The following ZMYM2 variants were observed in gnomAD, a reference collection of about 807,000 sequenced individuals.
The protein encoded by ZMYM2 is zinc finger MYM-type containing 2, also known as zinc finger MYM-type protein 2.
Under a neutral mutation model 162.8 loss-of-function variants are expected in ZMYM2, and 56 were observed. The observed-to-expected ratio is 0.34, with a 90% confidence interval of 0.28 to 0.43. The LOEUF is 0.43. Ranked by LOEUF, ZMYM2 falls within the 20% of genes least tolerant of loss-of-function variation. The pLI is 1.00. For missense variants in ZMYM2, 1,275 were observed against 1,621.8 expected, an observed-to-expected ratio of 0.79 and a Z score of 3.67; for synonymous variants, 510 against 541.6, an observed-to-expected ratio of 0.94 and a Z score of 0.81.
chr13:20,022,574 A>G (rs997778520), intron 7 of ZMYM2, among the ~76,000 whole-genome samples: 2 of 152,342 alleles, frequency 1.3e-5, no homozygotes, highest in East Asian at 3.9e-4. Context: ...CTTAAATTAC[A>G]AAGTTAGAAT....
At position 20,060,967 on chromosome 13, in the gene ZMYM2, T is replaced by A. The variant is rs553401547; in HGVS notation, c.2740-86T>A. 2.0e-5 allele frequency: 26 copies of A among 1,289,048 alleles called. 1 individual carries two copies. The South Asian group carries it at 3.7e-4, about 18-fold the overall frequency. 79.9% of individuals were successfully genotyped at this position (1,289,048 alleles called of 1,614,324 possible). On this transcript the variant is annotated intron_variant, in intron 16 of 24. Coordinates refer to ENST00000610343, the MANE Select transcript of ZMYM2 (RefSeq NM_197968.4). The stretch of plus-strand genomic sequence containing the variant: ...TTTTATCCAGTGTGATATTACAAAG[T>A]AGATCATGTGTCAGAGTAATTTTTA...
At chr13:19,953,319 A>G in the ZMYM2 span, among the ~76,000 whole-genome samples, 1 of 152,224 alleles carries the variant, frequency 6.6e-6, no homozygotes, top group Admixed American at 6.5e-5. Flanking sequence ...AAAGTGTAAA[A>G]CATGTTGATA....
intron 2 of ZMYM2, among the ~76,000 whole-genome samples, chr13:19,984,023 T>TA (rs1398005543): frequency 2.6e-5 from 4 of 152,296 alleles, no homozygotes; most frequent in Non-Finnish European, 1.5e-5. Context: ...CTCTTTGCTG[T>TA]AAAAAAGAGT....
the ZMYM2 span, among the ~76,000 whole-genome samples, chr13:19,946,869 T>C: frequency 2.6e-5 from 4 of 152,234 alleles, no homozygotes; most frequent in South Asian, 2.1e-4. Flanking sequence ...CAATTATAGA[T>C]GTGGTGTCTT....
intron 2 of ZMYM2, among the ~76,000 whole-genome samples, chr13:19,968,034 T>C (rs1955963557): frequency 6.6e-6 from 1 of 152,190 alleles, no homozygotes; most frequent in Non-Finnish European, 1.5e-5. Flanking sequence ...TTCTAACGAT[T>C]TCTTCTTTTC....
intron 23 of ZMYM2, 107 bp from the exon 24 acceptor site, chr13:20,083,549 C>T (rs540642281): frequency 1.7e-5 from 15 of 868,762 alleles, no homozygotes; most frequent in Non-Finnish European, 2.6e-5. Context: ...ACTTAAAACT[C>T]CAAGGGGCAC....
intron 2 of ZMYM2, among the ~76,000 whole-genome samples, chr13:19,968,835 A>C (rs1956040869): frequency 6.6e-6 from 1 of 152,244 alleles, no homozygotes; most frequent in Non-Finnish European, 1.5e-5. Flanking sequence ...TAAAAAGAAA[A>C]AATCAAGTAG....
the ZMYM2 span, among the ~76,000 whole-genome samples, chr13:19,892,115 A>T: frequency 1.1e-4 from 16 of 151,016 alleles, no homozygotes; most frequent in African/African-American, 2.9e-4. Flanking sequence ...TAATTTTTAA[A>T]TTTTTTTTGT....
intron 15 of ZMYM2, 93 bp from the exon 16 acceptor site, chr13:20,059,354 G>T: frequency 1.4e-6 from 2 of 1,389,960 alleles, no homozygotes; most frequent in Non-Finnish European, 9.6e-7. Context: ...TACTGAGGTA[G>T]TTAAATTTTT....
the ZMYM2 span, among the ~76,000 whole-genome samples, chr13:19,880,246 A>G: frequency 6.6e-6 from 1 of 152,108 alleles, no homozygotes; most frequent in African/African-American, 2.4e-5. Context: ...TATTGGCTCT[A>G]TTTCTCTGGC....
chr13:19,941,378 A>G, the ZMYM2 span, among the ~76,000 whole-genome samples: 1 of 152,148 alleles, frequency 6.6e-6, no homozygotes, highest in Admixed American at 6.6e-5. Context: ...AATAAAGTTA[A>G]CAGAGTTTAT....
At chr13:20,080,389 T>C (rs1957829105) in intron 21 of ZMYM2, among the ~76,000 whole-genome samples, 1 of 152,240 alleles carries the variant, frequency 6.6e-6, no homozygotes, top group South Asian at 2.1e-4. Context: ...ATTTTTTCTT[T>C]TACTTTTCAC....
intron 10 of ZMYM2, among the ~76,000 whole-genome samples, chr13:20,032,577 G>T (rs1953267215): frequency 6.8e-6 from 1 of 147,700 alleles, no homozygotes; most frequent in Non-Finnish European, 1.5e-5. Context: ...CCCAGAACTG[G>T]ATTACATGAT....
At chr13:19,876,309 T>A in the ZMYM2 span, among the ~76,000 whole-genome samples, 3 of 152,118 alleles carry the variant, frequency 2.0e-5, no homozygotes, top group Non-Finnish European at 4.4e-5. Flanking sequence ...ATTACATGCG[T>A]GAGCCACTAC....
the ZMYM2 span, among the ~76,000 whole-genome samples, chr13:19,892,345 C>T: frequency 6.6e-6 from 1 of 151,862 alleles, no homozygotes; most frequent in Non-Finnish European, 1.5e-5. Context: ...AATCTCGGCT[C>T]ACTGCAAGCT....
chr13:19,965,055 G>A (rs1006137205), intron 2 of ZMYM2, among the ~76,000 whole-genome samples: 1 of 150,202 alleles, frequency 6.7e-6, no homozygotes, highest in Admixed American at 6.7e-5. Context: ...CCTGCACAAT[G>A]TGCACATGTA....
At chr13:19,915,086 C>T in the ZMYM2 span, among the ~76,000 whole-genome samples, 1 of 152,116 alleles carries the variant, frequency 6.6e-6, no homozygotes, top group Non-Finnish European at 1.5e-5. Flanking sequence ...TTCAGCCTCC[C>T]GAGTAGCTGA....
At chr13:19,932,222 C>T in the ZMYM2 span, among the ~76,000 whole-genome samples, 2 of 152,146 alleles carry the variant, frequency 1.3e-5, no homozygotes, top group African/African-American at 4.8e-5. Flanking sequence ...AATTGTGTTT[C>T]CCCCAAAATT....
chr13:19,976,570 A>G (rs1014102087), intron 2 of ZMYM2, among the ~76,000 whole-genome samples: 1 of 152,088 alleles, frequency 6.6e-6, no homozygotes, highest in Non-Finnish European at 1.5e-5. Flanking sequence ...TTCCCCAATT[A>G]TCTCTTCCTC....
Sources: allele counts gnomAD v4.1 joint callset (sites outside exome capture counted in the v4.1 genomes callset), GRCh38; gene constraint gnomAD v4.1.1; transcripts MANE v1.5; gene names NCBI Gene and HGNC (gene_info 2026-07-23, HGNC 2026-07-21).